The following RASGEF1C variants were observed in gnomAD, a reference collection of about 807,000 sequenced individuals.
The protein encoded by RASGEF1C is RasGEF domain family member 1C, also known as ras-GEF domain-containing family member 1C.
A neutral mutation model predicts 58.1 loss-of-function variants in RASGEF1C; 27 were observed. That is an observed-to-expected ratio of 0.46 (90% CI 0.34 to 0.64). The LOEUF is 0.64. RASGEF1C is among the 30% of genes least tolerant of loss of function. The pLI is 0.01. For missense variants in RASGEF1C, 502 were observed against 605.1 expected (o/e 0.83, Z 1.79); for synonymous variants, 243 against 246.3 (o/e 0.99, Z 0.13).
chr5:180,172,483 C>G (rs1444351859), intron 1 of RASGEF1C, among the ~76,000 whole-genome samples: 1 of 152,178 alleles, frequency 6.6e-6, no homozygotes, highest in Non-Finnish European at 1.5e-5. Context: ...ACAGGGGGCA[C>G]AGCAGCCTGA....
At chr5:180,165,714 A>G (rs1767011238) in intron 1 of RASGEF1C, among the ~76,000 whole-genome samples, 1 of 150,464 alleles carries the variant, frequency 6.6e-6, no homozygotes, top group Non-Finnish European at 1.5e-5. Context: ...CTTCTTTTGA[A>G]TATATGAACA....
chr5:180,202,741 C>T (rs971760355), intron 1 of RASGEF1C, among the ~76,000 whole-genome samples: 17 of 149,266 alleles, frequency 1.1e-4, no homozygotes, highest in African/African-American at 4.0e-4. Flanking sequence ...GTCTCGCTGT[C>T]GCCCAGGCTG....
intron 12 of RASGEF1C, among the ~76,000 whole-genome samples, chr5:180,102,486 A>G (rs1315765741): frequency 6.6e-6 from 1 of 152,212 alleles, no homozygotes; most frequent in Non-Finnish European, 1.5e-5. Context: ...TCTGAGGGTT[A>G]TCTCTTGCTT....
At chr5:180,208,012 G>A (rs1312034142) in intron 1 of RASGEF1C, among the ~76,000 whole-genome samples, 1 of 152,172 alleles carries the variant, frequency 6.6e-6, no homozygotes, top group Non-Finnish European at 1.5e-5. Context: ...CACTTACGGG[G>A]GCAGGCAGCA....
At chr5:180,129,274 CA>C (rs1329572868) in intron 4 of RASGEF1C, among the ~76,000 whole-genome samples, 1 of 152,212 alleles carries the variant, frequency 6.6e-6, no homozygotes, top group Non-Finnish European at 1.5e-5. Context: ...CTTCCATGGG[CA>C]ACAGATAGAA....
intron 1 of RASGEF1C, among the ~76,000 whole-genome samples, chr5:180,167,445 C>T (rs1231787703): frequency 2.0e-5 from 3 of 152,004 alleles, no homozygotes; most frequent in Non-Finnish European, 2.9e-5. Flanking sequence ...GCCAAGATTG[C>T]GCCACTGCAC....
At chr5:180,171,338 GC>G (rs1250259259) in intron 1 of RASGEF1C, among the ~76,000 whole-genome samples, 2 of 151,988 alleles carry the variant, frequency 1.3e-5, no homozygotes, top group African/African-American at 4.8e-5. Context: ...CACAGCAGCA[GC>G]CTCGTGTTCA....
At chr5:180,113,853 G>T in intron 11 of RASGEF1C, among the ~76,000 whole-genome samples, 1 of 152,156 alleles carries the variant, frequency 6.6e-6, no homozygotes, top group Non-Finnish European at 1.5e-5. Context: ...ATGGATGGAG[G>T]GATCGAGGAT....
intron 1 of RASGEF1C, among the ~76,000 whole-genome samples, chr5:180,165,180 T>C (rs1441435400): frequency 1.3e-5 from 2 of 152,184 alleles, no homozygotes; most frequent in Non-Finnish European, 2.9e-5. Context: ...AGTTTCTTTT[T>C]GGTAGCATAA....
chr5:180,116,546 C>A (rs11741189), intron 10 of RASGEF1C, among the ~76,000 whole-genome samples: 1 of 152,142 alleles, frequency 6.6e-6, no homozygotes, highest in African/African-American at 2.4e-5. Context: ...GAGGACAATG[C>A]GGTTAAAGTC....
intron 1 of RASGEF1C, among the ~76,000 whole-genome samples, chr5:180,187,655 C>T (rs1756064689): frequency 6.6e-6 from 1 of 152,072 alleles, no homozygotes; most frequent in Non-Finnish European, 1.5e-5. Flanking sequence ...AAAGAAAATA[C>T]AAATAACCCA....
chr5:180,157,779 G>A (rs939193163), intron 1 of RASGEF1C, among the ~76,000 whole-genome samples: 1 of 152,210 alleles, frequency 6.6e-6, no homozygotes, highest in Non-Finnish European at 1.5e-5. Flanking sequence ...TATGGAGGCA[G>A]TAGAAAGACC....
chr5:180,105,610 G>A (rs1765863318), intron 12 of RASGEF1C, among the ~76,000 whole-genome samples: 1 of 150,662 alleles, frequency 6.6e-6, no homozygotes, highest in Admixed American at 6.6e-5. Flanking sequence ...GCTCACACCT[G>A]TAATCCTAGC....
At chr5:180,207,342 T>C (rs1469885439) in intron 1 of RASGEF1C, among the ~76,000 whole-genome samples, 1 of 152,242 alleles carries the variant, frequency 6.6e-6, no homozygotes. Context: ...AAAAGGGGCC[T>C]TGGCTTGGTC....
chr5:180,145,722 T>C (rs1766652714), intron 1 of RASGEF1C, among the ~76,000 whole-genome samples: 1 of 152,152 alleles, frequency 6.6e-6, no homozygotes, highest in Non-Finnish European at 1.5e-5. Flanking sequence ...ACCCCACCCC[T>C]GAGATTTAAG....
At position 180,156,641 on chromosome 5, in the gene RASGEF1C, G is replaced by A. The variant is rs1219096151; in HGVS notation, c.-6-18583C>T. Among the ~76,000 whole-genome samples the A allele has an allele frequency of 1.3e-5, 2 of 151,904 alleles. No individual in the cohort carries two copies. The highest frequency in any genetic ancestry group is 2.4e-5 in the African/African-American group (1 of 41,364). On this transcript the variant is annotated intron_variant, in intron 1 of 13. Coordinates refer to ENST00000361132, the MANE Select transcript of RASGEF1C (RefSeq NM_175062.4). This position sits in a 1 kb window ranked among gnomAD's most constrained non-coding sequence, Gnocchi z 4.9. ...TAAAAAATTAGCTGGGCATGGTGGC[G>A]TGCATCTGCAGTCCCAGCTACTTGG...
chr5:180,136,740 G>C, intron 3 of RASGEF1C: 1 of 563,572 alleles, frequency 1.8e-6, no homozygotes, highest in African/African-American at 1.9e-5. Context: ...CCTTTCTGCG[G>C]TTGACGGCTC....
intron 1 of RASGEF1C, among the ~76,000 whole-genome samples, chr5:180,144,730 G>A (rs1384025387): frequency 6.6e-6 from 1 of 152,188 alleles, no homozygotes; most frequent in African/African-American, 2.4e-5. Flanking sequence ...TGTTGCACAA[G>A]CATCACCACC....
At chr5:180,105,283 C>T (rs1299460711) in intron 12 of RASGEF1C, among the ~76,000 whole-genome samples, 1 of 152,204 alleles carries the variant, frequency 6.6e-6, no homozygotes, top group Non-Finnish European at 1.5e-5. Flanking sequence ...AGGTACTTTG[C>T]CAGGCGCGGT....
Sources: allele counts gnomAD v4.1 joint callset (sites outside exome capture counted in the v4.1 genomes callset), GRCh38; gene constraint gnomAD v4.1.1; non-coding constraint Gnocchi (gnomAD v3.1); transcripts MANE v1.5; gene names NCBI Gene and HGNC (gene_info 2026-07-23, HGNC 2026-07-21).